ROBO2: variants seen among roughly 807,000 people sequenced by gnomAD.
ROBO2 encodes the protein roundabout guidance receptor 2, also known as roundabout homolog 2.
Under a neutral mutation model 160.8 loss-of-function variants are expected in ROBO2, and 53 were observed. The ratio of observed to expected loss-of-function variants is 0.33; its 90% CI spans 0.26 to 0.41. The LOEUF is 0.41. Among genes scored for constraint, ROBO2 ranks in the 10% least tolerant of loss-of-function variants. The pLI, the probability that ROBO2 is intolerant of heterozygous loss-of-function variation, is 1.00. For synonymous variants in ROBO2, 664 were observed against 611.7 expected (o/e 1.09, Z -1.26); for missense variants, 1,577 against 1,722.4 (o/e 0.92, Z 1.49).
At chr3:76,892,803 C>G (rs1158015869) in intron 2 of ROBO2, among the ~76,000 whole-genome samples, 1 of 152,208 alleles carries the variant, frequency 6.6e-6, no homozygotes, top group African/African-American at 2.4e-5. Context: ...CACTTTCTCT[C>G]TTCCCAAGAT....
chr3:76,255,183 G>A (rs1210378590), intron 2 of ROBO2, among the ~76,000 whole-genome samples: 1 of 152,060 alleles, frequency 6.6e-6, no homozygotes, highest in Non-Finnish European at 1.5e-5. Flanking sequence ...TAAAGGGAGA[G>A]GCTTCATCTG....
intron 2 of ROBO2, among the ~76,000 whole-genome samples, chr3:77,100,111 C>T (rs559517658): frequency 2.2e-4 from 34 of 151,888 alleles, no homozygotes; most frequent in Non-Finnish European, 4.1e-4. Flanking sequence ...TTTCTAATTG[C>T]GTCATTAATA....
At chr3:76,988,157 T>C (rs1426867327) in intron 2 of ROBO2, among the ~76,000 whole-genome samples, 1 of 152,174 alleles carries the variant, frequency 6.6e-6, no homozygotes, top group Non-Finnish European at 1.5e-5. Context: ...ATTTTTAAAA[T>C]AATCAGTTGA....
chr3:77,146,446 A>ATGGGG, intron 2 of ROBO2, among the ~76,000 whole-genome samples: 1 of 152,162 alleles, frequency 6.6e-6, no homozygotes, highest in African/African-American at 2.4e-5. Context: ...TTAAAGTTGA[A>ATGGGG]TGGGGTGGGT....
chr3:76,558,421 T>C (rs942886667), intron 2 of ROBO2, among the ~76,000 whole-genome samples: 2 of 152,098 alleles, frequency 1.3e-5, no homozygotes, highest in African/African-American at 4.8e-5. Context: ...TTATAAGCTA[T>C]TCAAGCTATG....
chr3:76,934,043 G>A (rs2149070523), intron 2 of ROBO2, among the ~76,000 whole-genome samples: 1 of 144,428 alleles, frequency 6.9e-6, no homozygotes, highest in Non-Finnish European at 1.5e-5. Flanking sequence ...ACCTAGGATT[G>A]CAGTTCAGCT....
intron 2 of ROBO2, among the ~76,000 whole-genome samples, chr3:76,778,634 G>A (rs1179015351): frequency 6.6e-6 from 1 of 150,910 alleles, no homozygotes; most frequent in African/African-American, 2.4e-5. Flanking sequence ...TGATATTTGG[G>A]GATCTTTCTG....
intron 2 of ROBO2, among the ~76,000 whole-genome samples, chr3:76,009,160 G>T (rs538323815): frequency 7.2e-5 from 11 of 152,076 alleles, no homozygotes; most frequent in East Asian, 5.8e-4. Flanking sequence ...TGGAGTGCAG[G>T]GGCGCGATCT....
chr3:76,688,306 A>G (rs1286829038), intron 2 of ROBO2, among the ~76,000 whole-genome samples: 1 of 152,046 alleles, frequency 6.6e-6, no homozygotes, highest in African/African-American at 2.4e-5. Context: ...AGAATTTATT[A>G]CGAATACAAA....
At chr3:76,480,956 T>C (rs2079175747) in intron 2 of ROBO2, among the ~76,000 whole-genome samples, 1 of 152,158 alleles carries the variant, frequency 6.6e-6, no homozygotes, top group Non-Finnish European at 1.5e-5. Flanking sequence ...TTATTGAAAA[T>C]ATAAATTTTA....
chr3:77,250,337 A>G (rs987683149), intron 2 of ROBO2, among the ~76,000 whole-genome samples: 1 of 152,172 alleles, frequency 6.6e-6, no homozygotes, highest in African/African-American at 2.4e-5. Flanking sequence ...GGTCTGTGCT[A>G]TTCCATACTG....
Position 77,550,799 on chromosome 3 carries a change from A to G in ROBO2, c.1060-19A>G. On this transcript the variant is annotated intron_variant, in intron 7 of 25. Transcript: ENST00000461745. ...TAAGTGGAAAATGAATATTGATGAG[A>G]TTGTGCTTGCTTCCACAGAACCTAC... 1.2e-6 allele frequency: 2 copies of G among 1,612,338 alleles called. No individual in the cohort carries two copies. The highest frequency in any genetic ancestry group is 1.7e-6 in the Non-Finnish European group (2 of 1,178,958).
At chr3:77,117,115 G>A (rs1028515245) in intron 2 of ROBO2, among the ~76,000 whole-genome samples, 2 of 152,144 alleles carry the variant, frequency 1.3e-5, no homozygotes, top group African/African-American at 4.8e-5. Context: ...AATAAGAACT[G>A]ACTTGCACTG....
At chr3:76,983,917 C>T (rs1008493783) in intron 2 of ROBO2, among the ~76,000 whole-genome samples, 2 of 152,192 alleles carry the variant, frequency 1.3e-5, no homozygotes, top group African/African-American at 2.4e-5. Context: ...GTTTAATTGA[C>T]TCGCAGTTCT....
intron 2 of ROBO2, among the ~76,000 whole-genome samples, chr3:76,694,453 C>T (rs2092884256): frequency 6.6e-6 from 1 of 152,094 alleles, no homozygotes; most frequent in Admixed American, 6.6e-5. Flanking sequence ...AGGTCATCCT[C>T]TTACTACTCA....
chr3:76,586,104 C>G (rs1208751730), intron 2 of ROBO2, among the ~76,000 whole-genome samples: 2 of 152,174 alleles, frequency 1.3e-5, no homozygotes, highest in African/African-American at 4.8e-5. Flanking sequence ...TCTTTACACA[C>G]AACACCAGTA....
exon 26 of ROBO2, chr3:77,649,738 A>G (rs1011283021): frequency 6.6e-6 from 1 of 152,176 alleles, no homozygotes; most frequent in African/African-American, 2.4e-5. Flanking sequence ...TGTTGCAAGA[A>G]AAGGGATTTT....
chr3:76,676,912 A>G (rs2106814775), intron 2 of ROBO2, among the ~76,000 whole-genome samples: 1 of 152,028 alleles, frequency 6.6e-6, no homozygotes, highest in East Asian at 1.9e-4. Flanking sequence ...GGAAGGTACC[A>G]CTCTACCTGG....
upstream of ROBO2, among the ~76,000 whole-genome samples, chr3:77,036,021 T>A (rs1216579066): frequency 6.6e-6 from 1 of 151,760 alleles, no homozygotes; most frequent in African/African-American, 2.4e-5. Flanking sequence ...TTTTCTTAAA[T>A]TGATCAGAGT....
Sources: allele counts gnomAD v4.1 joint callset (sites outside exome capture counted in the v4.1 genomes callset), GRCh38; gene constraint gnomAD v4.1.1; transcripts MANE v1.5; gene names NCBI Gene and HGNC (gene_info 2026-07-23, HGNC 2026-07-21).